The following EFR3A variants were observed in gnomAD, a reference collection of about 807,000 sequenced individuals.
The protein encoded by EFR3A is protein EFR3 homolog A.
A neutral mutation model predicts 104.4 loss-of-function variants in EFR3A; 76 were observed. The ratio of observed to expected loss-of-function variants is 0.73; its 90% confidence interval spans 0.60 to 0.88. The LOEUF (loss-of-function observed/expected upper bound fraction) is 0.88, where lower values mean the gene tolerates loss of function less well. Among genes scored for constraint, EFR3A ranks in the 40% least tolerant of loss-of-function variants. EFR3A has a pLI of 0.00. For missense variants in EFR3A, 985 were observed against 1,012.5 expected, an observed-to-expected ratio of 0.97 and a Z score of 0.37; for synonymous variants, 330 against 330.0, an observed-to-expected ratio of 1.00 and a Z score of 0.00.
At chr8:132,000,191 C>T (rs555037114) in intron 19 of EFR3A, among the ~76,000 whole-genome samples, 23 of 152,170 alleles carry the variant, frequency 1.5e-4, no homozygotes, top group Non-Finnish European at 2.6e-4. Flanking sequence ...TGCAGTGGCG[C>T]GATTTCGGCT....
chr8:131,970,682 A>G (rs1820003684), intron 10 of EFR3A, 39 bp downstream of exon 10: 2 of 1,575,314 alleles, frequency 1.3e-6, no homozygotes, highest in Non-Finnish European at 1.7e-6. Flanking sequence ...CATGTAAAAC[A>G]GTGATTTACA....
At chr8:131,957,925 A>G (rs1198120089) in intron 7 of EFR3A, among the ~76,000 whole-genome samples, 1 of 152,182 alleles carries the variant, frequency 6.6e-6, no homozygotes, top group Non-Finnish European at 1.5e-5. Context: ...TTTAGGCTAT[A>G]CTGTAGAGAT....
intron 1 of EFR3A, among the ~76,000 whole-genome samples, chr8:131,936,934 G>A (rs532192675): frequency 7.1e-4 from 108 of 151,964 alleles, no homozygotes; most frequent in Non-Finnish European, 1.0e-3. Context: ...TTAAATCATT[G>A]GCCACCTGTA....
At chr8:131,926,149 A>G (rs1374492586) in intron 1 of EFR3A, among the ~76,000 whole-genome samples, 1 of 152,200 alleles carries the variant, frequency 6.6e-6, no homozygotes. Context: ...TAAAAATTAT[A>G]AACAATATAC....
intron 6 of EFR3A, among the ~76,000 whole-genome samples, chr8:131,955,422 G>A (rs1818927028): frequency 1.3e-5 from 2 of 151,970 alleles, no homozygotes; most frequent in South Asian, 4.2e-4. Context: ...TTAAATTAAG[G>A]ATACCTAAAG....
chr8:131,964,485 G>T (rs1819580744), intron 8 of EFR3A, among the ~76,000 whole-genome samples: 1 of 151,848 alleles, frequency 6.6e-6, no homozygotes, highest in Admixed American at 6.6e-5. Flanking sequence ...GCTTCAAAGA[G>T]AATAAAATAC....
chr8:131,931,135 A>G (rs748866822), intron 1 of EFR3A, among the ~76,000 whole-genome samples: 4 of 152,090 alleles, frequency 2.6e-5, no homozygotes, highest in Non-Finnish European at 5.9e-5. Context: ...GGATTGATTC[A>G]GAAAGTCCTG....
intron 1 of EFR3A, among the ~76,000 whole-genome samples, chr8:131,917,284 T>C (rs1041471152): frequency 6.6e-6 from 1 of 152,230 alleles, no homozygotes. Context: ...TAAGATTTCT[T>C]TCCCCTTATA....
chr8:131,967,448 A>C (rs929325070), intron 8 of EFR3A, among the ~76,000 whole-genome samples: 1 of 151,982 alleles, frequency 6.6e-6, no homozygotes, highest in Non-Finnish European at 1.5e-5. Flanking sequence ...CTGTCTGAAG[A>C]CAAATACAGA....
Position 131,959,609 on chromosome 8 carries a change from G to A in EFR3A, c.801G>A (p.Trp267Ter). The A allele has an allele frequency of 6.2e-7, 1 of 1,611,632 alleles. No homozygotes were observed. The highest frequency in any genetic ancestry group is 8.5e-7 in the Non-Finnish European group (1 of 1,179,076). The change falls in exon 8 of 23, where the codon TGG (tryptophan) becomes TGA (stop). Residue 267 changes from tryptophan to a stop codon, truncating the protein, a stop_gained. Transcript: ENST00000254624. LOFTEE classifies it high-confidence loss of function. ...VFAHLDHHKL[W>*]DPNEFAVHCF... is the part of the protein sequence containing the mutation. ...GGCATTTAGATCATCACAAACTGTG[G>A]GATCCCAATGAATTTGCAGTTCACT... is the stretch of plus-strand genomic sequence containing the variant.
chr8:131,909,423 T>A (rs911552634), intron 1 of EFR3A, among the ~76,000 whole-genome samples: 8 of 152,052 alleles, frequency 5.3e-5, no homozygotes, highest in Non-Finnish European at 1.2e-4. Flanking sequence ...GGTACATGCC[T>A]ATAGTCCTAG....
intron 1 of EFR3A, among the ~76,000 whole-genome samples, chr8:131,928,912 T>C (rs141094182): frequency 3.2e-4 from 49 of 152,102 alleles, no homozygotes; most frequent in African/African-American, 1.1e-3. Context: ...TTTTGTAATT[T>C]TCTTTCTGTT....
At chr8:131,990,564 G>C (rs1055243465) in intron 18 of EFR3A, among the ~76,000 whole-genome samples, 1 of 152,196 alleles carries the variant, frequency 6.6e-6, no homozygotes, top group African/African-American at 2.4e-5. Context: ...AGGTGAACTA[G>C]TTTGAACTCT....
chr8:131,968,347 G>C lies in EFR3A; in HGVS notation c.908G>C (p.Arg303Pro). The C allele has an allele frequency of 6.2e-7, 1 of 1,613,384 alleles. No individual in the cohort carries two copies. Among genetic ancestry groups the C allele is most frequent in the Admixed American group, 1.7e-5 (1 of 59,922 alleles). The change falls in exon 9 of 23, where the codon CGT (arginine) becomes CCT (proline). Residue 303 changes from arginine (R) to proline (P), a missense_variant. Arg to Pro is a moderately radical substitution (Grantham distance 103). Transcript: ENST00000254624. ...IQEILGHLDA[R>P]KKDAPRVRAG... The stretch of plus-strand genomic sequence containing the variant: ...GAGATTCTAGGACACCTTGATGCTC[G>C]TAAAAAAGATGCTCCCCGGGTTCGA...
At chr8:131,981,955 T>C (rs1820636717) in intron 14 of EFR3A, among the ~76,000 whole-genome samples, 1 of 152,134 alleles carries the variant, frequency 6.6e-6, no homozygotes, top group Non-Finnish European at 1.5e-5. Flanking sequence ...GTGAAAAAGC[T>C]CTTGTTAATG....
At position 131,943,465 on chromosome 8, in the gene EFR3A, G is replaced by A. The variant is rs867799999; in HGVS notation, c.88-1280G>A. 2.6e-5 allele frequency among the ~76,000 whole-genome samples: 4 copies of A among 152,152 alleles called. No homozygotes were observed. The South Asian group carries it at 8.3e-4, about 32-fold the overall frequency. ...AGAGGTCAAAGAACCAGGAAGAAGA[G>A]AGGCTAACTAACTGATGGAGCCAGA... On this transcript the variant is annotated intron_variant, in intron 2 of 22. Coordinates refer to ENST00000254624, the MANE Select transcript of EFR3A (RefSeq NM_015137.6).
intron 14 of EFR3A, among the ~76,000 whole-genome samples, chr8:131,983,925 AGGTTTGT>A (rs749424108): frequency 5.3e-5 from 8 of 152,144 alleles, no homozygotes; most frequent in Non-Finnish European, 7.3e-5. Context: ...TTTTTATTTA[AGGTTTGT>A]CTTCAACTTT....
Position 131,968,330 on chromosome 8 carries a change from A to G in EFR3A, c.891A>G (p.Leu297=), listed in dbSNP as rs745637169. The change falls in exon 9 of 23, where the codon CTA becomes CTG. Residue 297 remains leucine, a synonymous_variant. Coordinates refer to ENST00000254624, the MANE Select transcript of EFR3A (RefSeq NM_015137.6). Reference sequence around the variant, plus strand: ...CTCACCATGTGATCCAGGAGATTCTAGGACACCTTGATGCTCGTAAAAAAG... The same window carrying G: ...CTCACCATGTGATCCAGGAGATTCTGGGACACCTTGATGCTCGTAAAAAAG... The part of the protein sequence containing the change: ...QYSHHVIQEI[L]GHLDARKKDA... 5.0e-6 allele frequency: 8 copies of G among 1,613,406 alleles called. No individual in the cohort carries two copies. The highest frequency in any genetic ancestry group is 6.8e-6 in the Non-Finnish European group (8 of 1,179,546).
chr8:131,928,947 T>C (rs796991793), intron 1 of EFR3A, among the ~76,000 whole-genome samples: 21 of 152,242 alleles, frequency 1.4e-4, no homozygotes, highest in African/African-American at 4.8e-4. Flanking sequence ...CTCTTTCTGC[T>C]CTTATTGTGC....
Sources: gnomAD v4.1 joint callset for allele counts (sites outside exome capture counted in the v4.1 genomes callset) on GRCh38, gnomAD v4.1.1 for gene constraint, MANE v1.5 for transcripts, NCBI Gene and HGNC (gene_info 2026-07-23, HGNC 2026-07-21) for gene names.